Variants in DNAJC11 observed in about 807,000 individuals in gnomAD.
DNAJC11 encodes dnaJ homolog subfamily C member 11.
In DNAJC11, 15 loss-of-function variants were observed where a neutral mutation model predicts 78.6. The observed-to-expected ratio is 0.19, with a 90% CI of 0.13 to 0.29. DNAJC11 has a LOEUF of 0.29. Among genes scored for constraint, DNAJC11 ranks in the 10% least tolerant of loss-of-function variants. The probability of loss-of-function intolerance (pLI) is 1.00; values close to 1 mark genes in which losing one functional copy is unlikely to be tolerated. For synonymous variants in DNAJC11, 292 were observed against 272.1 expected, an observed-to-expected ratio of 1.07 and a Z score of -0.72; for missense variants, 547 against 709.6, an observed-to-expected ratio of 0.77 and a Z score of 2.60.
chr1:6,691,395 C>T (rs949487463), intron 1 of DNAJC11, among the ~76,000 whole-genome samples: 3 of 152,140 alleles, frequency 2.0e-5, no homozygotes, highest in Admixed American at 2.0e-4. Flanking sequence ...GTTTTCATTA[C>T]TCTTCCTGGT....
chr1:6,671,997 G>A (rs925582325), intron 3 of DNAJC11, among the ~76,000 whole-genome samples: 3 of 152,026 alleles, frequency 2.0e-5, no homozygotes, highest in African/African-American at 7.2e-5. Context: ...ACCATACCCA[G>A]CCAGTTTTTT....
At chr1:6,692,738 G>A (rs1394604612) in intron 1 of DNAJC11, among the ~76,000 whole-genome samples, 1 of 150,210 alleles carries the variant, frequency 6.7e-6, no homozygotes, top group Non-Finnish European at 1.5e-5. Flanking sequence ...AGCCTCCCAT[G>A]TAGCTGAGAT....
At chr1:6,690,785 G>T (rs1181273072) in intron 1 of DNAJC11, among the ~76,000 whole-genome samples, 3 of 152,166 alleles carry the variant, frequency 2.0e-5, no homozygotes, top group Non-Finnish European at 2.9e-5. Flanking sequence ...TTAGCTGGGC[G>T]TGGTGGCGGG....
At chr1:6,662,092 C>T (rs1002224969) in intron 4 of DNAJC11, among the ~76,000 whole-genome samples, 1 of 149,960 alleles carries the variant, frequency 6.7e-6, no homozygotes, top group Non-Finnish European at 1.5e-5. Context: ...GCTGGGACTA[C>T]AGGAGCACGC....
intron 7 of DNAJC11, among the ~76,000 whole-genome samples, chr1:6,646,659 G>A (rs899911767): frequency 1.3e-5 from 2 of 152,148 alleles, no homozygotes; most frequent in Non-Finnish European, 2.9e-5. Context: ...TTCCCGAAAA[G>A]AGCCTCTGCA....
chr1:6,640,537 A>G (rs1641859345), intron 10 of DNAJC11, among the ~76,000 whole-genome samples: 1 of 152,216 alleles, frequency 6.6e-6, no homozygotes. Flanking sequence ...TCTGGACCAC[A>G]TATAAAAAAT....
intron 7 of DNAJC11, among the ~76,000 whole-genome samples, chr1:6,650,422 C>T (rs570236114): frequency 6.6e-6 from 1 of 152,170 alleles, no homozygotes; most frequent in Admixed American, 6.5e-5. Context: ...AACAATGAGC[C>T]AGGCATGTTG....
intron 4 of DNAJC11, among the ~76,000 whole-genome samples, chr1:6,666,252 CATGTTCTGGATATATGGTCCTTTA>C (rs559708418): frequency 5.5e-4 from 83 of 152,274 alleles, no homozygotes; most frequent in African/African-American, 2.0e-3. Context: ...AAGAGATGGA[CATGTTCTGGATATATGGTCCTTTA>C]AATGCTGTAT....
intron 1 of DNAJC11, among the ~76,000 whole-genome samples, chr1:6,688,683 A>G (rs940416417): frequency 2.1e-4 from 32 of 152,328 alleles, no homozygotes; most frequent in African/African-American, 4.6e-4. Context: ...TGAGACCCCA[A>G]TGAGAACACA....
rs138813873 is a variant in DNAJC11 at position 6,651,540 on chromosome 1, G to A, written c.693C>T (p.Leu231=). Residue 231 remains leucine, a synonymous_variant, in exon 7 of 16, where the codon CTC becomes CTT. Transcript: ENST00000377577. ...PLFGLKLFRN[L]TPRCFVTTNC... is the part of the protein sequence containing the mutation. ...TCTCTCATATTTACCATCTTGGTGT[G>A]AGATTACGGAACAGCTTGAGACCGA... 12 of 1,613,864 alleles carry A rather than the reference G, an allele frequency of 7.4e-6. No homozygotes were observed. Among genetic ancestry groups the A allele is most frequent in the Non-Finnish European group, 8.5e-6 (10 of 1,179,900 alleles).
Position 6,635,575 on chromosome 1 carries a change from A to C in DNAJC11, c.*100T>G. 8.0e-7 allele frequency: 1 copy of C among 1,251,226 alleles called. No homozygotes were observed. Among genetic ancestry groups the C allele is most frequent in the Non-Finnish European group, 1.1e-6 (1 of 886,428 alleles). The allele number at this position is 1,251,226 out of a possible 1,614,324, so 77.5% of individuals were successfully genotyped here. A position where few individuals can be genotyped will look rare whatever the true frequency, so the allele number is the denominator to read the frequency against. On this transcript the variant is annotated 3_prime_UTR_variant, in exon 16 of 16. Coordinates refer to ENST00000377577, the MANE Select transcript of DNAJC11 (RefSeq NM_018198.4). ...GTACCACCTTCTATAATAATAATAT[A>C]AAATAAAAACATCTGATGTCTGGGT... is the stretch of plus-strand genomic sequence containing the variant.
chr1:6,671,199 G>A lies in DNAJC11; in HGVS notation c.277-3389C>T, dbSNP rs577029059. Among the ~76,000 whole-genome samples the A allele has an allele frequency of 3.3e-5, 5 of 152,254 alleles. No homozygotes were observed. In the South Asian group the frequency reaches 1.0e-3, roughly 32 times the overall value. ...TGTTCCAATCTGGATAAAGAGATTT[G>A]ATTTGACTTGATTTGATTTATTTAT... On this transcript the variant is annotated intron_variant, in intron 3 of 15. Transcript: ENST00000377577.
At chr1:6,694,859 C>G (rs1483996336) in intron 1 of DNAJC11, among the ~76,000 whole-genome samples, 3 of 151,140 alleles carry the variant, frequency 2.0e-5, no homozygotes, top group Admixed American at 6.6e-5. Context: ...CCTGTAGCCC[C>G]AGCTACTCAG....
At chr1:6,661,057 G>A (rs896708597) in intron 4 of DNAJC11, among the ~76,000 whole-genome samples, 4 of 152,218 alleles carry the variant, frequency 2.6e-5, no homozygotes, top group African/African-American at 2.4e-5. Context: ...ACACGTGCCA[G>A]GTGTACAGTG....
At chr1:6,646,115 A>G in intron 7 of DNAJC11, 137 bp from the exon 8 acceptor site, 1 of 831,080 alleles carries the variant, frequency 1.2e-6, no homozygotes, top group Non-Finnish European at 1.9e-6. Flanking sequence ...TAAAAAAAAA[A>G]GCAGGAGGTC....
At chr1:6,644,702 T>G in intron 9 of DNAJC11, 28 bp from the exon 10 acceptor site, 1 of 1,584,554 alleles carries the variant, frequency 6.3e-7, no homozygotes, top group Non-Finnish European at 8.7e-7. Context: ...GGTCTGTGCC[T>G]GTGCCCCTCA....
At chr1:6,642,380 G>A (rs984009903) in intron 10 of DNAJC11, among the ~76,000 whole-genome samples, 2 of 152,210 alleles carry the variant, frequency 1.3e-5, no homozygotes, top group Non-Finnish European at 2.9e-5. Flanking sequence ...GATGCTGGCC[G>A]CAGTGAGGTT....
chr1:6,699,201 G>A (rs571344062), intron 1 of DNAJC11, among the ~76,000 whole-genome samples: 2 of 152,036 alleles, frequency 1.3e-5, no homozygotes, highest in East Asian at 3.9e-4. Flanking sequence ...TAGCGAGTCT[G>A]AGGTGGGAGC....
At chr1:6,672,922 G>C (rs1163087264) in intron 3 of DNAJC11, among the ~76,000 whole-genome samples, 1 of 152,110 alleles carries the variant, frequency 6.6e-6, no homozygotes, top group African/African-American at 2.4e-5. Flanking sequence ...TCACCAACTA[G>C]GTCTATCCCT....
Sources: allele counts gnomAD v4.1 joint callset (sites outside exome capture counted in the v4.1 genomes callset), GRCh38; gene constraint gnomAD v4.1.1; transcripts MANE v1.5; gene names NCBI Gene and HGNC (gene_info 2026-07-23, HGNC 2026-07-21).